The following CPXM2 variants were observed in gnomAD, a reference collection of about 807,000 sequenced individuals.
The protein encoded by CPXM2 is inactive carboxypeptidase-like protein X2.
In CPXM2, 66 loss-of-function variants were observed where a neutral mutation model predicts 86.1. The ratio of observed to expected loss-of-function variants is 0.77; its 90% CI spans 0.63 to 0.94. The LOEUF (loss-of-function observed/expected upper bound fraction) is 0.94, where lower values mean the gene tolerates loss of function less well. Among genes scored for constraint, CPXM2 ranks in the 40% least tolerant of loss-of-function variants. The pLI is 0.00. For missense variants in CPXM2, 948 were observed against 1,026.3 expected, an observed-to-expected ratio of 0.92 and a Z score of 1.04; for synonymous variants, 388 against 400.2, an observed-to-expected ratio of 0.97 and a Z score of 0.36.
At chr10:123,870,182 T>A (rs1944868285) in intron 2 of CPXM2, among the ~76,000 whole-genome samples, 1 of 97,654 alleles carries the variant, frequency 1.0e-5, no homozygotes, top group Non-Finnish European at 2.1e-5. Context: ...CCGAACACAG[T>A]TCAATAGTCG....
At chr10:123,829,681 A>G (rs1446845057) in intron 4 of CPXM2, among the ~76,000 whole-genome samples, 2 of 152,232 alleles carry the variant, frequency 1.3e-5, no homozygotes, top group Non-Finnish European at 2.9e-5. Context: ...AAAACTTTGT[A>G]TGAAAGAGAA....
chr10:123,884,452 G>A (rs1275198700), intron 1 of CPXM2, among the ~76,000 whole-genome samples: 4 of 152,186 alleles, frequency 2.6e-5, no homozygotes, highest in Non-Finnish European at 4.4e-5. Flanking sequence ...ATGACACAGG[G>A]AGGAATCACC....
chr10:123,811,829 AG>A (rs150118164), intron 4 of CPXM2, among the ~76,000 whole-genome samples: 5,802 of 152,320 alleles, frequency 0.038, 364 homozygotes, highest in African/African-American at 0.13. Context: ...AACATAGGAA[AG>A]GAAGTTCAAC....
At chr10:123,790,894 C>G (rs544984783) in intron 6 of CPXM2, among the ~76,000 whole-genome samples, 1 of 152,166 alleles carries the variant, frequency 6.6e-6, no homozygotes, top group African/African-American at 2.4e-5. Context: ...GAAGAAGATG[C>G]ACTTTCTAGG....
intron 11 of CPXM2, among the ~76,000 whole-genome samples, 163 bp from the exon 12 acceptor site, chr10:123,757,515 A>C (rs1191420736): frequency 6.6e-6 from 1 of 152,218 alleles, no homozygotes; most frequent in Non-Finnish European, 1.5e-5. Context: ...ATTAGAGCAA[A>C]TGTGTGTGAG....
chr10:123,860,461 C>T (rs530626894), intron 3 of CPXM2, among the ~76,000 whole-genome samples: 1 of 152,338 alleles, frequency 6.6e-6, no homozygotes, highest in East Asian at 1.9e-4. Context: ...GAATTCCCAA[C>T]TGGAGGGACA....
chr10:123,924,704 G>A (rs1945608993), intron 2 of CPXM2, among the ~76,000 whole-genome samples: 1 of 152,152 alleles, frequency 6.6e-6, no homozygotes, highest in South Asian at 2.1e-4. Context: ...GTGGCGGTGG[G>A]TGAGCTGAAA....
chr10:123,883,777 G>A lies in CPXM2; in HGVS notation c.305-3468C>T, dbSNP rs145445272. ...AGAGCTGGAGAATGATTCCAAATCCGAGCCCTTCATGGACAGCACACAGGC... is the reference window on the plus strand; with the variant it reads ...AGAGCTGGAGAATGATTCCAAATCCAAGCCCTTCATGGACAGCACACAGGC... On this transcript the variant is annotated intron_variant, in intron 1 of 13. Coordinates refer to ENST00000241305, the MANE Select transcript of CPXM2 (RefSeq NM_198148.3). 6.6e-5 allele frequency among the ~76,000 whole-genome samples: 10 copies of A among 152,226 alleles called. No homozygotes were observed. The East Asian group carries it at 1.2e-3, about 18-fold the overall frequency.
chr10:123,780,370 C>T (rs1372145053), intron 6 of CPXM2, 115 bp from the exon 7 acceptor site: 8 of 725,556 alleles, frequency 1.1e-5, no homozygotes, highest in Middle Eastern at 2.4e-4. Context: ...TAGCTTCTAA[C>T]GTTGGCTCAG....
chr10:123,780,335 T>A (rs1430629097), intron 6 of CPXM2, 80 bp from the exon 7 acceptor site: 2 of 954,756 alleles, frequency 2.1e-6, no homozygotes, highest in African/African-American at 3.2e-5. Flanking sequence ...ACATGGGGAC[T>A]GCACGGACAG....
chr10:123,752,294 A>T (rs1589958961), intron 13 of CPXM2: 1 of 985,358 alleles, frequency 1.0e-6, no homozygotes, highest in East Asian at 1.1e-4. Context: ...TACTACGTAC[A>T]AAATTCCATG....
chr10:123,839,017 TTTTA>T (rs1848331490), intron 4 of CPXM2, among the ~76,000 whole-genome samples: 2 of 152,234 alleles, frequency 1.3e-5, no homozygotes, highest in African/African-American at 4.8e-5. Context: ...CCAAGAAAGA[TTTTA>T]TTTGAGAGAA....
At chr10:123,836,214 A>C (rs1051500513) in intron 4 of CPXM2, among the ~76,000 whole-genome samples, 1 of 152,010 alleles carries the variant, frequency 6.6e-6, no homozygotes. Context: ...CCTTGGCTCC[A>C]TCTCAGCCCC....
At chr10:123,840,727 T>C (rs1273532488) in intron 4 of CPXM2, among the ~76,000 whole-genome samples, 1 of 152,214 alleles carries the variant, frequency 6.6e-6, no homozygotes, top group Non-Finnish European at 1.5e-5. Context: ...TGTTATAATA[T>C]TGTCTTTACA....
intron 3 of CPXM2, among the ~76,000 whole-genome samples, chr10:123,853,676 G>C (rs141007178): frequency 2.4e-4 from 36 of 152,302 alleles, no homozygotes; most frequent in Admixed American, 1.0e-3. Context: ...AGGCCAAGGC[G>C]GGCAGACCAC....
Position 123,799,135 on chromosome 10 carries a change from T to C in CPXM2, c.718A>G (p.Lys240Glu), listed in dbSNP as rs1847399395. The C allele has an allele frequency of 1.2e-6, 2 of 1,614,170 alleles. No individual in the cohort carries two copies. Among genetic ancestry groups the C allele is most frequent in the Non-Finnish European group, 1.7e-6 (2 of 1,180,028 alleles). Residue 240 changes from lysine to glutamate, a missense_variant, in exon 5 of 14, where the codon AAG (lysine) becomes GAG (glutamate). By Grantham distance (56) the Lys-to-Glu change is moderately conservative (BLOSUM62 1). Transcript: ENST00000241305. The part of the protein sequence containing the change: ...SNDSHTWVTV[K>E]NGSGDMIFEG... ...CTCACCATGTCTCCAGATCCATTCT[T>C]AACAGTGACCCACGTGTGGCTGTCA... is the stretch of plus-strand genomic sequence containing the variant.
At chr10:123,927,499 G>T (rs1399533973) in intron 2 of CPXM2, among the ~76,000 whole-genome samples, 1 of 152,166 alleles carries the variant, frequency 6.6e-6, no homozygotes, top group African/African-American at 2.4e-5. Flanking sequence ...ACCTACAAGT[G>T]CTAATGTCAA....
chr10:123,935,120 A>G (rs9703290), intron 2 of CPXM2, among the ~76,000 whole-genome samples: 122,765 of 152,068 alleles, frequency 0.81, 50,095 homozygotes, highest in African/African-American at 0.92. Flanking sequence ...TGTAAGAGAC[A>G]ATCAGGGCAA....
Position 123,891,231 on chromosome 10 carries a change from C to T in CPXM2, c.304+125G>A, listed in dbSNP as rs1042291715. 2.5e-6 allele frequency: 2 copies of T among 795,150 alleles called. No individual in the cohort carries two copies. Among genetic ancestry groups the T allele is most frequent in the Middle Eastern group, 3.7e-4 (1 of 2,678 alleles). The allele number at this position is 795,150 out of a possible 1,614,324, so 49.3% of individuals were successfully genotyped here. On this transcript the variant is annotated intron_variant, in intron 1 of 13. Transcript: ENST00000241305. The surrounding 1 kb of genome is among the most constrained non-coding windows in gnomAD (Gnocchi z 5.6). ...GATACAGTCCCTAGGGAGGCAGAGG[C>T]GGCAACAGGGAGATTCCCGGGACTG...
Sources: allele counts gnomAD v4.1 joint callset (sites outside exome capture counted in the v4.1 genomes callset), GRCh38; gene constraint gnomAD v4.1.1; non-coding constraint Gnocchi (gnomAD v3.1); transcripts MANE v1.5; gene names NCBI Gene and HGNC (gene_info 2026-07-23, HGNC 2026-07-21).